The following HS3ST2 variants were observed in gnomAD, a reference collection of about 807,000 sequenced individuals.
The protein encoded by HS3ST2 is heparan sulfate glucosamine 3-O-sulfotransferase 2.
In HS3ST2, 17 loss-of-function variants were observed where a neutral mutation model predicts 26.3. The observed-to-expected ratio is 0.65, with a 90% CI of 0.44 to 0.97. The LOEUF is 0.97. Ranked by LOEUF, HS3ST2 falls within the 50% of genes least tolerant of loss-of-function variation. The pLI is 0.00. For missense variants in HS3ST2, 402 were observed against 501.2 expected, an observed-to-expected ratio of 0.80 and a Z score of 1.89; for synonymous variants, 237 against 219.2, an observed-to-expected ratio of 1.08 and a Z score of -0.72.
intron 1 of HS3ST2, among the ~76,000 whole-genome samples, chr16:22,895,333 G>A (rs980324789): frequency 1.3e-5 from 2 of 151,950 alleles, no homozygotes; most frequent in Non-Finnish European, 2.9e-5. Flanking sequence ...CAGGTGATCC[G>A]CCTGCCTCAG....
At chr16:22,820,755 A>G (rs1424691995) in intron 1 of HS3ST2, among the ~76,000 whole-genome samples, 3 of 152,244 alleles carry the variant, frequency 2.0e-5, no homozygotes, top group Non-Finnish European at 4.4e-5. Context: ...ATCACTTGTT[A>G]CAGGAGCATT....
chr16:22,814,796 C>A lies in HS3ST2; in HGVS notation c.186C>A (p.Gly62=), dbSNP rs1229267307. ...GCTGCCTCCGCGGCCCCAGCGCGGGCGGCCAGAAACTTCTCCAGAAGTCCC... is the reference window on the plus strand; with the variant it reads ...GCTGCCTCCGCGGCCCCAGCGCGGGAGGCCAGAAACTTCTCCAGAAGTCCC... ...APRCLRGPSA[G]GQKLLQKSRP... Residue 62 remains glycine, a synonymous_variant, in exon 1 of 2, where the codon GGC becomes GGA. Transcript: ENST00000261374. 1 of 1,590,400 alleles carries A rather than the reference C, an allele frequency of 6.3e-7. No homozygotes were observed. Among genetic ancestry groups the A allele is most frequent in the East Asian group, 2.3e-5 (1 of 43,854 alleles).
At chr16:22,833,890 T>C (rs1042380146) in intron 1 of HS3ST2, among the ~76,000 whole-genome samples, 2 of 151,992 alleles carry the variant, frequency 1.3e-5, no homozygotes, top group Non-Finnish European at 2.9e-5. Flanking sequence ...AGAAAATATA[T>C]ACTCCTATGG....
chr16:22,818,734 T>TC (rs1355352565), intron 1 of HS3ST2, among the ~76,000 whole-genome samples: 340 of 13,554 alleles, frequency 0.025, 20 homozygotes, highest in Middle Eastern at 0.083. Context: ...CCTCCCTCCC[T>TC]CCTTCCCTTC....
rs548478460 is a variant in HS3ST2 at position 22,819,790 on chromosome 16, TA to T, written c.485+4700del. The stretch of plus-strand genomic sequence containing the variant: ...GCAACAGTCTAAGTACGAAAGAGAA[TA>T]AAAAGCCCAGAATAAGATCTATCAC... On this transcript the variant is annotated intron_variant, in intron 1 of 1. Transcript: ENST00000261374. Among the ~76,000 whole-genome samples, 305 of 152,316 alleles carry T rather than the reference TA, an allele frequency of 2.0e-3. 3 individuals carry two copies. The highest frequency in any genetic ancestry group is 0.018 in the Admixed American group (272 of 15,294).
intron 1 of HS3ST2, among the ~76,000 whole-genome samples, chr16:22,901,884 T>A (rs967892324): frequency 5.9e-5 from 9 of 152,146 alleles, no homozygotes; most frequent in African/African-American, 1.9e-4. Context: ...TAAAAATAGC[T>A]TTTCATTAGA....
intron 1 of HS3ST2, among the ~76,000 whole-genome samples, chr16:22,821,588 G>A (rs1900993580): frequency 6.6e-6 from 1 of 152,068 alleles, no homozygotes; most frequent in Non-Finnish European, 1.5e-5. Context: ...AAGTCACACA[G>A]ATAACCTAAA....
intron 1 of HS3ST2, among the ~76,000 whole-genome samples, chr16:22,842,058 C>CT (rs1901366128): frequency 8.0e-6 from 1 of 124,550 alleles, no homozygotes. Flanking sequence ...TTTTTCTTTT[C>CT]TTTCTTTTTT....
intron 1 of HS3ST2, among the ~76,000 whole-genome samples, chr16:22,883,031 G>GAA (rs201212985): frequency 3.2e-4 from 32 of 99,784 alleles, no homozygotes; most frequent in Middle Eastern, 5.7e-3. Flanking sequence ...CTCCATCTCA[G>GAA]AAAAAAAAAA....
chr16:22,874,188 G>C (rs1192559988), intron 1 of HS3ST2, among the ~76,000 whole-genome samples: 1 of 152,138 alleles, frequency 6.6e-6, no homozygotes, highest in East Asian at 1.9e-4. Flanking sequence ...AGCCAAGCTA[G>C]AAAACTGTTC....
In HS3ST2 at chr16:22,815,227, T is replaced by TG. The variant is rs1009163374; in HGVS notation, c.485+138dup. On this transcript the variant is annotated intron_variant, in intron 1 of 1. Coordinates refer to ENST00000261374, the MANE Select transcript of HS3ST2 (RefSeq NM_006043.2). ...GGGTTCAGGCTGACACACAGGGCCA[T>TG]GGGGGGCTATAGCAGAATTTACCCA... The TG allele has an allele frequency of 9.9e-5, 119 of 1,196,376 alleles. No individual in the cohort carries two copies. In the African/African-American group the frequency reaches 1.8e-3, roughly 18 times the overall value. The allele number at this position is 1,196,376 out of a possible 1,614,324, so 74.1% of individuals were successfully genotyped here. A position where few individuals can be genotyped will look rare whatever the true frequency, so the allele number is the denominator to read the frequency against.
At position 22,815,015 on chromosome 16, in the gene HS3ST2, A is replaced by C. The variant is rs772803622; in HGVS notation, c.405A>C (p.Arg135=). Residue 135 remains arginine, a synonymous_variant, in exon 1 of 2, where the codon CGA becomes CGC. Coordinates refer to ENST00000261374, the MANE Select transcript of HS3ST2 (RefSeq NM_006043.2). ...CCCGGGCCGTGCTGGAGTTTATCCG[A>C]GTACACCCGGACGTGCGGGCCTTGG... ...GGTRAVLEFI[R]VHPDVRALGT... 1.9e-6 allele frequency: 3 copies of C among 1,613,144 alleles called. No homozygotes were observed. The South Asian group carries it at 3.3e-5, about 18-fold the overall frequency.
Position 22,814,564 on chromosome 16 carries a change from C to A in HS3ST2, c.-47C>A, listed in dbSNP as rs1284565550. ...CGCAGGGCCACAGCAGCTCAGCCGC[C>A]GGTGCCCCCTCGGAAACCATGACCC... On this transcript the variant is annotated 5_prime_UTR_variant, in exon 1 of 2. Transcript: ENST00000261374. The A allele has an allele frequency of 2.0e-6, 3 of 1,467,334 alleles. No individual in the cohort carries two copies. Among genetic ancestry groups the A allele is most frequent in the Non-Finnish European group, 2.7e-6 (3 of 1,117,084 alleles). The allele number at this position is 1,467,334 out of a possible 1,614,324, so 90.9% of individuals were successfully genotyped here.
intron 1 of HS3ST2, among the ~76,000 whole-genome samples, chr16:22,840,303 C>G (rs1901333702): frequency 6.6e-6 from 1 of 152,192 alleles, no homozygotes; most frequent in African/African-American, 2.4e-5. Context: ...TCAGGGAGGT[C>G]ACTTCTAGCC....
intron 1 of HS3ST2, among the ~76,000 whole-genome samples, chr16:22,850,277 C>T (rs527895467): frequency 6.6e-6 from 1 of 151,994 alleles, no homozygotes; most frequent in South Asian, 2.1e-4. Context: ...TAACTGTTCA[C>T]TCTAGTAACT....
At chr16:22,840,976 C>A (rs1807599503) in intron 1 of HS3ST2, among the ~76,000 whole-genome samples, 1 of 135,064 alleles carries the variant, frequency 7.4e-6, no homozygotes, top group Non-Finnish European at 1.6e-5. Context: ...CCCCCCACCC[C>A]ACAACAGGCC....
At chr16:22,899,348 G>A (rs1249394470) in intron 1 of HS3ST2, among the ~76,000 whole-genome samples, 3 of 152,126 alleles carry the variant, frequency 2.0e-5, no homozygotes, top group Admixed American at 1.3e-4. Flanking sequence ...AATAGAAAAC[G>A]TTATGTGCTT....
chr16:22,914,476 T>C (rs1443678976), intron 1 of HS3ST2, among the ~76,000 whole-genome samples: 1 of 150,592 alleles, frequency 6.6e-6, no homozygotes, highest in Non-Finnish European at 1.5e-5. Flanking sequence ...GAGGTTGAGG[T>C]GGGAGGATTG....
intron 1 of HS3ST2, among the ~76,000 whole-genome samples, chr16:22,890,039 A>G (rs1051757909): frequency 3.3e-5 from 5 of 152,212 alleles, no homozygotes; most frequent in African/African-American, 1.2e-4. Flanking sequence ...TCTTGGCATA[A>G]TAAGGAAAAA....
Sources: allele counts gnomAD v4.1 joint callset (sites outside exome capture counted in the v4.1 genomes callset), GRCh38; gene constraint gnomAD v4.1.1; transcripts MANE v1.5; gene names NCBI Gene and HGNC (gene_info 2026-07-23, HGNC 2026-07-21).